TRPC4AP: variants seen among roughly 807,000 people sequenced by gnomAD.
TRPC4AP encodes transient receptor potential cation channel subfamily C member 4 associated protein.
Under a neutral mutation model 99.0 loss-of-function variants are expected in TRPC4AP, and 45 were observed. The observed-to-expected ratio is 0.45, with a 90% CI of 0.36 to 0.58. TRPC4AP has a LOEUF of 0.58. TRPC4AP is among the 20% of genes least tolerant of loss of function. TRPC4AP has a pLI of 0.00. For missense variants in TRPC4AP, 879 were observed against 985.3 expected, an observed-to-expected ratio of 0.89 and a Z score of 1.44; for synonymous variants, 408 against 385.8, an observed-to-expected ratio of 1.06 and a Z score of -0.67.
At chr20:35,014,114 G>C (rs898229741) in intron 10 of TRPC4AP, among the ~76,000 whole-genome samples, 4 of 152,146 alleles carry the variant, frequency 2.6e-5, no homozygotes, top group African/African-American at 9.7e-5. Flanking sequence ...GCCTCTCAAA[G>C]TGCTGGGATT....
At position 35,057,682 on chromosome 20, in the gene TRPC4AP, C is replaced by T. The variant is rs572954547; in HGVS notation, c.415-111G>A. On this transcript the variant is annotated intron_variant, in intron 3 of 18. Coordinates refer to ENST00000252015, the MANE Select transcript of TRPC4AP (RefSeq NM_015638.3). ...GTATCTGTCACAGTATTACAAGACCCTTTTGTTCCAGGAGGCAGTTAAGGT... is the reference window on the plus strand; with the variant it reads ...GTATCTGTCACAGTATTACAAGACCTTTTTGTTCCAGGAGGCAGTTAAGGT... 48 of 841,824 alleles carry T rather than the reference C, an allele frequency of 5.7e-5. No homozygotes were observed. The East Asian group carries it at 1.4e-3, about 24-fold the overall frequency. 52.1% of individuals were successfully genotyped at this position (841,824 alleles called of 1,614,324 possible).
At chr20:35,068,969 ACAC>A (rs1569140194) in intron 3 of TRPC4AP, among the ~76,000 whole-genome samples, 3 of 64,204 alleles carry the variant, frequency 4.7e-5, no homozygotes, top group African/African-American at 8.4e-5. Context: ...ACACACACAC[ACAC>A]ACACACAAAA....
intron 2 of TRPC4AP, among the ~76,000 whole-genome samples, chr20:35,074,788 G>A (rs574445513): frequency 9.2e-5 from 14 of 152,254 alleles, no homozygotes; most frequent in East Asian, 5.8e-4. Context: ...TATTAGGTCC[G>A]CTTGGTGCAG....
In TRPC4AP at chr20:35,090,704, C is replaced by G. The variant is rs573009650; in HGVS notation, c.168+1910G>C. ...TGGGCTTTTCTAGGCTCCTCCCATT[C>G]TAAGTCATTCAGCACTGGAAACAAA... On this transcript the variant is annotated intron_variant, in intron 1 of 18. Transcript: ENST00000252015. 1.5e-4 allele frequency among the ~76,000 whole-genome samples: 23 copies of G among 152,232 alleles called. No homozygotes were observed. In the South Asian group the frequency reaches 4.8e-3, roughly 32 times the overall value.
chr20:35,057,023 G>A (rs1463011021), intron 4 of TRPC4AP, among the ~76,000 whole-genome samples: 2 of 135,732 alleles, frequency 1.5e-5, no homozygotes, highest in African/African-American at 5.4e-5. Flanking sequence ...AGAATTATTT[G>A]TAACGTGTAA....
At chr20:35,068,946 TACACACAC>T (rs71196783) in intron 3 of TRPC4AP, among the ~76,000 whole-genome samples, 3,431 of 113,160 alleles carry the variant, frequency 0.03, 83 homozygotes, top group Middle Eastern at 0.079. Context: ...GGGGAATATT[TACACACAC>T]ACACACACAC....
intron 1 of TRPC4AP, among the ~76,000 whole-genome samples, chr20:35,083,104 C>A (rs2084691121): frequency 6.6e-6 from 1 of 152,148 alleles, no homozygotes; most frequent in East Asian, 1.9e-4. Flanking sequence ...GATGACTGTA[C>A]AGTATACAAT....
chr20:35,004,322 T>TGAGCACAGTCCTCAGAA (rs1277728759), intron 17 of TRPC4AP, 136 bp downstream of exon 17: 1 of 741,630 alleles, frequency 1.3e-6, no homozygotes, highest in Non-Finnish European at 2.3e-6. Context: ...TGATTCCTCC[T>TGAGCACAGTCCTCAGAA]GAGCACAGTC....
At chr20:35,013,529 G>C (rs752232950) in intron 10 of TRPC4AP, among the ~76,000 whole-genome samples, 4 of 152,170 alleles carry the variant, frequency 2.6e-5, no homozygotes, top group Non-Finnish European at 4.4e-5. Context: ...AGTGAGCCGA[G>C]ATCGCACCAC....
intron 8 of TRPC4AP, among the ~76,000 whole-genome samples, chr20:35,033,369 A>AC (rs1169819573): frequency 1.3e-5 from 2 of 152,048 alleles, no homozygotes; most frequent in Non-Finnish European, 2.9e-5. Context: ...AGAGAGTGCA[A>AC]CCTTGGGCAT....
chr20:35,078,229 A>C, intron 1 of TRPC4AP, 55 bp from the exon 2 acceptor site: 1 of 1,574,510 alleles, frequency 6.4e-7, no homozygotes, highest in Non-Finnish European at 8.7e-7. Flanking sequence ...ATAATAGCTG[A>C]TACGGCAAAG....
At chr20:35,003,880 C>A (rs2082454383) in intron 17 of TRPC4AP, among the ~76,000 whole-genome samples, 1 of 152,218 alleles carries the variant, frequency 6.6e-6, no homozygotes, top group Non-Finnish European at 1.5e-5. Flanking sequence ...GACCTGGGCT[C>A]AAGCATCACT....
intron 6 of TRPC4AP, 88 bp from the exon 7 acceptor site, chr20:35,044,800 G>GGAT: frequency 5.7e-6 from 7 of 1,237,360 alleles, no homozygotes; most frequent in Non-Finnish European, 7.0e-6. Context: ...TTACATACGG[G>GGAT]GCTTAGTGGC....
intron 8 of TRPC4AP, among the ~76,000 whole-genome samples, chr20:35,029,461 T>C (rs999806906): frequency 1.3e-5 from 2 of 152,130 alleles, no homozygotes; most frequent in African/African-American, 4.8e-5. Context: ...AATGTTACTA[T>C]TGATAAGGCT....
chr20:35,064,148 T>C (rs931455072), intron 3 of TRPC4AP, among the ~76,000 whole-genome samples: 1 of 152,230 alleles, frequency 6.6e-6, no homozygotes, highest in South Asian at 2.1e-4. Context: ...TAAGCCCATA[T>C]GTTTAAAGAC....
At chr20:35,056,509 TAA>T (rs2083828913) in intron 4 of TRPC4AP, among the ~76,000 whole-genome samples, 3 of 8,710 alleles carry the variant, frequency 3.4e-4, no homozygotes, top group Admixed American at 1.7e-3. Context: ...TAAATCCTCT[TAA>T]TAACCACTAC....
intron 15 of TRPC4AP, 68 bp downstream of exon 15, chr20:35,006,367 C>A: frequency 6.4e-7 from 1 of 1,573,466 alleles, no homozygotes; most frequent in Non-Finnish European, 8.7e-7. Flanking sequence ...TAAAGCCTGG[C>A]AGACCAGGAC....
At chr20:35,092,145 C>T (rs185652245) in intron 1 of TRPC4AP, among the ~76,000 whole-genome samples, 241 of 152,266 alleles carry the variant, frequency 1.6e-3, no homozygotes, top group African/African-American at 5.6e-3. Flanking sequence ...CAATGGGGAC[C>T]TACTTTAGAA....
chr20:35,037,269 C>T (rs1043651756), intron 7 of TRPC4AP, among the ~76,000 whole-genome samples: 3 of 147,814 alleles, frequency 2.0e-5, no homozygotes, highest in African/African-American at 7.4e-5. Flanking sequence ...ATGGCGTGAA[C>T]CCAGGAGGCA....
Sources: gnomAD v4.1 joint callset for allele counts (sites outside exome capture counted in the v4.1 genomes callset) on GRCh38, gnomAD v4.1.1 for gene constraint, MANE v1.5 for transcripts, NCBI Gene and HGNC (gene_info 2026-07-23, HGNC 2026-07-21) for gene names.